The following SLC7A2 variants were observed in gnomAD, a reference collection of about 807,000 sequenced individuals.
The protein encoded by SLC7A2 is cationic amino acid transporter 2.
SLC7A2 carries 48 observed loss-of-function variants against 58.9 expected under a neutral mutation model. That is an observed-to-expected ratio of 0.82 (90% CI 0.65 to 1.04). The LOEUF (loss-of-function observed/expected upper bound fraction) is 1.04, where lower values mean the gene tolerates loss of function less well. Ranked by LOEUF, SLC7A2 falls within the 50% of genes least tolerant of loss-of-function variation. SLC7A2 has a pLI of 0.00. For synonymous variants in SLC7A2, 363 were observed against 314.5 expected (o/e 1.15, Z -1.63); for missense variants, 1,029 against 818.8 (o/e 1.26, Z -3.13).
chr8:17,501,315 C>T (rs535454471), intron 1 of SLC7A2, among the ~76,000 whole-genome samples: 2 of 152,260 alleles, frequency 1.3e-5, no homozygotes, highest in South Asian at 4.1e-4. Flanking sequence ...TGCTCGGCCT[C>T]TTATGGACTC....
chr8:17,544,213 A>G (rs757841312), intron 3 of SLC7A2, among the ~76,000 whole-genome samples: 1 of 152,200 alleles, frequency 6.6e-6, no homozygotes, highest in Non-Finnish European at 1.5e-5. Context: ...TATGCCTTTT[A>G]GTGGGCTTGC....
Position 17,568,285 on chromosome 8 carries a change from A to T in SLC7A2, c.*3139A>T, listed in dbSNP as rs557921341. ...ATTTGTGAATTACCACCAAAAGGCAATGGCAGTCCTACATTTAAGAATAGA... is the reference window on the plus strand; with the variant it reads ...ATTTGTGAATTACCACCAAAAGGCATTGGCAGTCCTACATTTAAGAATAGA... On this transcript the variant is annotated 3_prime_UTR_variant, in exon 13 of 13. Transcript: ENST00000494857. The T allele has an allele frequency of 1.7e-4, 26 of 152,140 alleles. No homozygotes were observed. The highest frequency in any genetic ancestry group is 3.1e-4 in the Non-Finnish European group (21 of 68,028). 9.4% of individuals were successfully genotyped at this position (152,140 alleles called of 1,614,324 possible).
chr8:17,512,476 G>A (rs1178279671), intron 2 of SLC7A2, among the ~76,000 whole-genome samples: 1 of 152,130 alleles, frequency 6.6e-6, no homozygotes, highest in Non-Finnish European at 1.5e-5. Context: ...GAACCAGGGA[G>A]GTGGAGATTG....
At chr8:17,509,822 A>G (rs1800528128) in intron 2 of SLC7A2, among the ~76,000 whole-genome samples, 1 of 152,162 alleles carries the variant, frequency 6.6e-6, no homozygotes, top group Non-Finnish European at 1.5e-5. Context: ...TGCAGTATGA[A>G]TAGCTTTAGT....
In SLC7A2 at chr8:17,565,218, C is replaced by T; in HGVS notation, c.*72C>T. 1 of 1,209,632 alleles carries T rather than the reference C, an allele frequency of 8.3e-7. No individual in the cohort carries two copies. Among genetic ancestry groups the T allele is most frequent in the Non-Finnish European group, 1.2e-6 (1 of 860,128 alleles). 74.9% of individuals were successfully genotyped at this position (1,209,632 alleles called of 1,614,324 possible). A position where few individuals can be genotyped will look rare whatever the true frequency, so the allele number is the denominator to read the frequency against. On this transcript the variant is annotated 3_prime_UTR_variant, in exon 13 of 13. Coordinates refer to ENST00000494857, the MANE Select transcript of SLC7A2 (RefSeq NM_001370338.1). ...CACTGAGTAAACCGTAACGGGATGT[C>T]ATCAGCATGCTGGGTTGTCATGGGT...
chr8:17,561,771 C>T (rs186066851), intron 10 of SLC7A2, among the ~76,000 whole-genome samples, 173 bp from the exon 11 acceptor site: 8 of 152,310 alleles, frequency 5.3e-5, no homozygotes, highest in African/African-American at 1.4e-4. Context: ...ATCCCTGCAA[C>T]TGGACATCTC....
At chr8:17,534,001 G>T (rs1801562350) in intron 2 of SLC7A2, among the ~76,000 whole-genome samples, 1 of 152,062 alleles carries the variant, frequency 6.6e-6, no homozygotes, top group African/African-American at 2.4e-5. Context: ...ACTTATAAGT[G>T]AAAAGATGTG....
At chr8:17,532,463 C>G (rs1000423443) in intron 2 of SLC7A2, among the ~76,000 whole-genome samples, 2 of 151,978 alleles carry the variant, frequency 1.3e-5, no homozygotes, top group African/African-American at 4.8e-5. Flanking sequence ...CCTTTTGTAC[C>G]TGTATCCCCT....
upstream of SLC7A2, among the ~76,000 whole-genome samples, chr8:17,496,851 C>G (rs748404510): frequency 1.1e-4 from 17 of 152,110 alleles, no homozygotes; most frequent in South Asian, 2.1e-4. Flanking sequence ...TTCCCCGGCC[C>G]GCGCCCACCG....
rs1294860342 is a variant in SLC7A2 at position 17,561,990 on chromosome 8, T to C, written c.1551T>C (p.His517=). The C allele has an allele frequency of 6.2e-7, 1 of 1,614,134 alleles. No homozygotes were observed. The highest frequency in any genetic ancestry group is 1.1e-5 in the South Asian group (1 of 91,082). Residue 517 remains histidine (H), a synonymous_variant, in exon 11 of 13, where the codon CAT becomes CAC. Coordinates refer to ENST00000494857, the MANE Select transcript of SLC7A2 (RefSeq NM_001370338.1). ...GTGTCTTGACCACTTACGGAGTTCA[T>C]GCCATCACCAGGCTGGAGGCCTGGA... The part of the protein sequence containing the change: ...GLSVLTTYGV[H]AITRLEAWSL...
In SLC7A2 at chr8:17,566,539, T is replaced by C. The variant is rs1269178621; in HGVS notation, c.*1393T>C. The C allele has an allele frequency of 2.0e-5, 3 of 152,226 alleles. No homozygotes were observed. Among genetic ancestry groups the C allele is most frequent in the Non-Finnish European group, 2.9e-5 (2 of 68,048 alleles). 9.4% of individuals were successfully genotyped at this position (152,226 alleles called of 1,614,324 possible). A position where few individuals can be genotyped will look rare whatever the true frequency, so the allele number is the denominator to read the frequency against. On this transcript the variant is annotated 3_prime_UTR_variant, in exon 13 of 13. Coordinates refer to ENST00000494857, the MANE Select transcript of SLC7A2 (RefSeq NM_001370338.1). ...CCTAATAATACAAGCTCCAGTGTTA[T>C]ACAATAACCCATCAGTGATTGGGGA...
intron 7 of SLC7A2, among the ~76,000 whole-genome samples, chr8:17,552,315 G>T (rs1802493864): frequency 6.6e-6 from 1 of 152,052 alleles, no homozygotes; most frequent in Non-Finnish European, 1.5e-5. Context: ...GAAACTTCAG[G>T]ATTCTTGTCC....
At chr8:17,494,799 G>T (rs149324133), upstream of SLC7A2, among the ~76,000 whole-genome samples, 1 of 152,226 alleles carries the variant, frequency 6.6e-6, no homozygotes, top group Non-Finnish European at 1.5e-5. Context: ...GTTAAGTCAA[G>T]AACTAGTGTG....
intron 2 of SLC7A2, among the ~76,000 whole-genome samples, chr8:17,540,840 A>G (rs1241501039): frequency 1.3e-5 from 2 of 152,180 alleles, no homozygotes; most frequent in African/African-American, 4.8e-5. Flanking sequence ...CCACAATCCT[A>G]TTAGCCCCCG....
Position 17,558,359 on chromosome 8 carries a change from G to A in SLC7A2, c.1260G>A (p.Met420Ile). 6.2e-7 allele frequency: 1 copy of A among 1,613,420 alleles called. No homozygotes were observed. The highest frequency in any genetic ancestry group is 8.5e-7 in the Non-Finnish European group (1 of 1,179,684). The change falls in exon 9 of 13, where the codon ATG becomes ATA. Residue 420 changes from methionine (M) to isoleucine (I), a missense_variant. Coordinates refer to ENST00000494857, the MANE Select transcript of SLC7A2 (RefSeq NM_001370338.1). ...LVDMMSIGTL[M>I]AYSLVAACVL... ...ACATGATGTCCATTGGCACACTCATGGCCTACTCTCTGGTGGCAGCCTGTG... is the reference window on the plus strand; with the variant it reads ...ACATGATGTCCATTGGCACACTCATAGCCTACTCTCTGGTGGCAGCCTGTG...
intron 2 of SLC7A2, among the ~76,000 whole-genome samples, chr8:17,540,501 C>A (rs550044683): frequency 4.0e-4 from 61 of 152,082 alleles, no homozygotes; most frequent in African/African-American, 1.4e-3. Context: ...CTCCCCCCAA[C>A]CCCTCCAAAA....
intron 9 of SLC7A2, among the ~76,000 whole-genome samples, chr8:17,559,916 T>C (rs750726279): frequency 1.3e-5 from 2 of 152,152 alleles, no homozygotes; most frequent in South Asian, 2.1e-4. Context: ...GAAAGACAGA[T>C]TGTGATGAGG....
Position 17,543,698 on chromosome 8 carries a change from T to C in SLC7A2, c.359T>C (p.Ile120Thr), listed in dbSNP as rs1395438510. 11 of 1,518,772 alleles carry C rather than the reference T, an allele frequency of 7.2e-6. No homozygotes were observed. Among genetic ancestry groups the C allele is most frequent in the Non-Finnish European group, 9.7e-6 (11 of 1,134,652 alleles). 94.1% of individuals were successfully genotyped at this position (1,518,772 alleles called of 1,614,324 possible). The change falls in exon 3 of 13, where the codon ATT becomes ACT. Residue 120 changes from isoleucine to threonine, a missense_variant. Ile to Thr is a moderately conservative substitution (Grantham distance 89). Coordinates refer to ENST00000494857, the MANE Select transcript of SLC7A2 (RefSeq NM_001370338.1). ...GCCTTCATCACTGGCTGGAATCTCA[T>C]TTTATCGTATGTGATAGGTATGTTT... The part of the protein sequence containing the change: ...LWAFITGWNL[I>T]LSYVIGTSSV...
chr8:17,511,209 A>G (rs576862900), intron 2 of SLC7A2: 1 of 152,284 alleles, frequency 6.6e-6, no homozygotes, highest in Middle Eastern at 3.4e-3. Flanking sequence ...GCACACGTAT[A>G]CCTACGTAGC....
Sources: allele counts gnomAD v4.1 joint callset (sites outside exome capture counted in the v4.1 genomes callset), GRCh38; gene constraint gnomAD v4.1.1; transcripts MANE v1.5; gene names NCBI Gene and HGNC (gene_info 2026-07-23, HGNC 2026-07-21).